The following CNTN1 variants were observed in gnomAD, a reference collection of about 807,000 sequenced individuals.
CNTN1 encodes contactin-1.
Under a neutral mutation model 126.4 loss-of-function variants are expected in CNTN1, and 38 were observed. The observed-to-expected ratio is 0.30, with a 90% CI of 0.23 to 0.39. The LOEUF (loss-of-function observed/expected upper bound fraction) is 0.39. Ranked by LOEUF, CNTN1 falls within the 10% of genes least tolerant of loss-of-function variation. CNTN1 has a pLI of 1.00. For missense variants in CNTN1, 1,009 were observed against 1,248.4 expected (o/e 0.81, Z 2.89); for synonymous variants, 413 against 422.6 (o/e 0.98, Z 0.28).
At chr12:40,842,551 G>GA (rs1942325631) in intron 1 of CNTN1, among the ~76,000 whole-genome samples, 1 of 151,968 alleles carries the variant, frequency 6.6e-6, no homozygotes, top group Admixed American at 6.6e-5. Context: ...CATTGTAAAA[G>GA]AAAAAATAAT....
At chr12:40,886,869 G>A (rs1330852721) in intron 1 of CNTN1, among the ~76,000 whole-genome samples, 2 of 152,186 alleles carry the variant, frequency 1.3e-5, no homozygotes, top group Non-Finnish European at 2.9e-5. Context: ...CCAAAGATCA[G>A]ATAGTTGTAG....
At chr12:41,058,570 GT>G (rs1464708493) in intron 23 of CNTN1, among the ~76,000 whole-genome samples, 1 of 152,106 alleles carries the variant, frequency 6.6e-6, no homozygotes, top group Non-Finnish European at 1.5e-5. Context: ...TCCTGCAAAA[GT>G]GATGAAAGTT....
intron 1 of CNTN1, among the ~76,000 whole-genome samples, chr12:40,694,785 C>A (rs1941406294): frequency 1.3e-5 from 2 of 152,078 alleles, no homozygotes; most frequent in Admixed American, 6.5e-5. Context: ...TGATTTGGAG[C>A]AAGATAATTA....
At chr12:41,007,044 G>GTTTTTTTTTTTTT (rs1377932314) in intron 17 of CNTN1, among the ~76,000 whole-genome samples, 2 of 123,448 alleles carry the variant, frequency 1.6e-5, no homozygotes, top group African/African-American at 3.1e-5. Flanking sequence ...AGTTTTGTGT[G>GTTTTTTTTTTTTT]GTTTTTTTTT....
In CNTN1 at chr12:40,821,144, T is replaced by G. The variant is rs1941429715; in HGVS notation, c.-76-87213T>G. On this transcript the variant is annotated intron_variant, in intron 1 of 23. Coordinates refer to ENST00000551295, the MANE Select transcript of CNTN1 (RefSeq NM_001843.4). The stretch of plus-strand genomic sequence containing the variant: ...CATAATGAGACAGGTCTAATTGTCT[T>G]GAGACTGGAAATGTGTTTAGGCTAA... Among the ~76,000 whole-genome samples the G allele has an allele frequency of 2.6e-5, 4 of 152,220 alleles. No individual in the cohort carries two copies. In the South Asian group the frequency reaches 8.3e-4, roughly 32 times the overall value.
At chr12:40,704,229 G>T (rs993969044) in intron 1 of CNTN1, among the ~76,000 whole-genome samples, 4 of 152,066 alleles carry the variant, frequency 2.6e-5, no homozygotes, top group Non-Finnish European at 4.4e-5. Context: ...CAAAGTAAAA[G>T]ACACTAGCTA....
chr12:40,694,670 C>G (rs1434866973), intron 1 of CNTN1, among the ~76,000 whole-genome samples: 1 of 152,184 alleles, frequency 6.6e-6, no homozygotes, highest in South Asian at 2.1e-4. Context: ...GAACAAAATT[C>G]TAACTTGCCA....
chr12:40,744,466 C>T (rs979755076), intron 1 of CNTN1, among the ~76,000 whole-genome samples: 2 of 151,872 alleles, frequency 1.3e-5, no homozygotes, highest in African/African-American at 4.8e-5. Context: ...GTGAAATTTG[C>T]GCTGAGGTTT....
At chr12:40,737,973 A>C (rs1447140675) in intron 1 of CNTN1, among the ~76,000 whole-genome samples, 2 of 152,092 alleles carry the variant, frequency 1.3e-5, no homozygotes, top group Non-Finnish European at 2.9e-5. Flanking sequence ...AAGAGATCAT[A>C]AGAGAAAAAT....
rs531958352 is a variant in CNTN1 at position 40,859,402 on chromosome 12, G to A, written c.-76-48955G>A. Among the ~76,000 whole-genome samples, 7 of 152,032 alleles carry A rather than the reference G, an allele frequency of 4.6e-5. No individual in the cohort carries two copies. In the South Asian group the frequency reaches 8.3e-4, roughly 18 times the overall value. The stretch of plus-strand genomic sequence containing the variant: ...AGGATATAAAAGATAAGATAATAGC[G>A]GAAACTGTGTGGGCAGATGAAGGGG... On this transcript the variant is annotated intron_variant, in intron 1 of 23. Coordinates refer to ENST00000551295, the MANE Select transcript of CNTN1 (RefSeq NM_001843.4).
At chr12:40,840,671 T>A (rs144538043) in intron 1 of CNTN1, among the ~76,000 whole-genome samples, 20 of 151,734 alleles carry the variant, frequency 1.3e-4, no homozygotes, top group Admixed American at 1.3e-3. Flanking sequence ...GGAATAAAAC[T>A]AGAAATCAAT....
chr12:40,902,074 A>T (rs1206102329), intron 1 of CNTN1, among the ~76,000 whole-genome samples: 1 of 152,224 alleles, frequency 6.6e-6, no homozygotes, highest in Non-Finnish European at 1.5e-5. Flanking sequence ...ATTGTATAGT[A>T]TCCCCTTTTA....
At chr12:41,054,749 T>A (rs1270679058) in intron 23 of CNTN1, among the ~76,000 whole-genome samples, 1 of 152,144 alleles carries the variant, frequency 6.6e-6, no homozygotes, top group Non-Finnish European at 1.5e-5. Flanking sequence ...TGTACTTGAA[T>A]GTACTTATGT....
intron 1 of CNTN1, among the ~76,000 whole-genome samples, chr12:40,830,773 A>G (rs1473591894): frequency 7.4e-6 from 1 of 135,144 alleles, no homozygotes; most frequent in South Asian, 2.4e-4. Context: ...ATATTGAGAG[A>G]GAGGGAGAAA....
chr12:40,924,632 AC>A lies in CNTN1; in HGVS notation c.482del (p.Pro161HisfsTer14), dbSNP rs1410982143. 1.9e-6 allele frequency: 3 copies of A among 1,595,086 alleles called. No homozygotes were observed. The highest frequency in any genetic ancestry group is 2.6e-6 in the Non-Finnish European group (3 of 1,163,364). ...GGGAAAGGAATGGTGCTTCTCTGTG[AC>A]CCCCCATACCATTTTCCAGGTAAAC... is the stretch of plus-strand genomic sequence containing the variant. ...KEGKGMVLLC[D>X]PPYHFPDDLS... On this transcript the variant is annotated frameshift_variant, in exon 6 of 24. Transcript: ENST00000551295. LOFTEE classifies it high-confidence loss of function.
chr12:40,748,822 A>G (rs149400315), intron 1 of CNTN1, among the ~76,000 whole-genome samples: 89 of 152,280 alleles, frequency 5.8e-4, no homozygotes, highest in African/African-American at 2.0e-3. Flanking sequence ...GGATAAAGTC[A>G]AAGAAATAAA....
At chr12:41,028,948 A>T in intron 22 of CNTN1, 115 bp from the exon 23 acceptor site, 1 of 1,028,132 alleles carries the variant, frequency 9.7e-7, no homozygotes, top group Non-Finnish European at 1.5e-6. Context: ...CTCTTGTTTT[A>T]AATTTATTAC....
chr12:40,840,659 A>G (rs140560211), intron 1 of CNTN1, among the ~76,000 whole-genome samples: 3,170 of 152,126 alleles, frequency 0.021, 109 homozygotes, highest in African/African-American at 0.072. Context: ...TCAGACCACA[A>G]TGGAATAAAA....
At chr12:40,743,154 G>A (rs1461469081) in intron 1 of CNTN1, among the ~76,000 whole-genome samples, 1 of 152,020 alleles carries the variant, frequency 6.6e-6, no homozygotes, top group Non-Finnish European at 1.5e-5. Context: ...AACCAGTTGA[G>A]GTATTCACAA....
Sources: gnomAD v4.1 joint callset for allele counts (sites outside exome capture counted in the v4.1 genomes callset) on GRCh38, gnomAD v4.1.1 for gene constraint, MANE v1.5 for transcripts, NCBI Gene and HGNC (gene_info 2026-07-23, HGNC 2026-07-21) for gene names.